Variants in PDE8B observed in about 807,000 individuals in gnomAD.
The protein encoded by PDE8B is high affinity cAMP-specific and IBMX-insensitive 3',5'-cyclic phosphodiesterase 8B.
In PDE8B, 26 loss-of-function variants were observed where a neutral mutation model predicts 101.3. The observed-to-expected ratio is 0.26, with a 90% CI of 0.19 to 0.36. The LOEUF (loss-of-function observed/expected upper bound fraction) is 0.36. PDE8B is among the 10% of genes least tolerant of loss of function. PDE8B has a pLI of 1.00. For synonymous variants in PDE8B, 424 were observed against 429.3 expected (o/e 0.99, Z 0.15); for missense variants, 810 against 1,163.1 (o/e 0.70, Z 4.42).
intron 1 of PDE8B, among the ~76,000 whole-genome samples, chr5:77,274,323 G>T (rs1053307210): frequency 3.3e-5 from 5 of 152,162 alleles, no homozygotes; most frequent in South Asian, 4.1e-4. Flanking sequence ...GGCCACACAG[G>T]TCATCTGCGG....
At chr5:77,411,193 A>T (rs1464737342) in intron 14 of PDE8B, 1 of 158,622 alleles carries the variant, frequency 6.3e-6, no homozygotes, top group Non-Finnish European at 1.4e-5. Flanking sequence ...TTGGGATATT[A>T]GTCAAAAAAT....
chr5:77,168,792 G>A, the PDE8B span, among the ~76,000 whole-genome samples: 1 of 152,154 alleles, frequency 6.6e-6, no homozygotes, highest in Non-Finnish European at 1.5e-5. Context: ...TCTAACATGG[G>A]TCCCTCCTCC....
At chr5:77,406,265 G>A (rs35515495) in intron 12 of PDE8B, among the ~76,000 whole-genome samples, 16,168 of 151,984 alleles carry the variant, frequency 0.11, 1,060 homozygotes, top group African/African-American at 0.18. Context: ...CAACAAGAGC[G>A]AAACTCCATC....
At chr5:77,349,941 G>A (rs776497156) in intron 8 of PDE8B, among the ~76,000 whole-genome samples, 55 of 152,212 alleles carry the variant, frequency 3.6e-4, no homozygotes, top group Admixed American at 7.2e-4. Context: ...GGTAGGCCAG[G>A]TTTTTTTCCC....
intron 1 of PDE8B, among the ~76,000 whole-genome samples, chr5:77,216,561 A>T (rs2149402630): frequency 6.6e-6 from 1 of 152,338 alleles, no homozygotes; most frequent in Non-Finnish European, 1.5e-5. Flanking sequence ...CATGGGAATT[A>T]TGGAAGCTAC....
rs538012421 is a variant in PDE8B, at chr5:77,247,144, C to T, written c.339+35880C>T. On this transcript the variant is annotated intron_variant, in intron 1 of 21. Coordinates refer to ENST00000264917, the MANE Select transcript of PDE8B (RefSeq NM_003719.5). ...AACAGGGCCCTACTGGCCCCTAAAC[C>T]TCAGCCACTCTGGATGGCACCCCAC... is the stretch of plus-strand genomic sequence containing the variant. 7.4e-4 allele frequency among the ~76,000 whole-genome samples: 112 copies of T among 152,342 alleles called. 1 individual carries two copies. The highest frequency in any genetic ancestry group is 3.4e-3 in the Middle Eastern group (1 of 294).
chr5:77,101,029 G>A, the PDE8B span, among the ~76,000 whole-genome samples: 1 of 144,988 alleles, frequency 6.9e-6, no homozygotes, highest in Non-Finnish European at 1.5e-5. Flanking sequence ...GAGTGCCATG[G>A]CATAATCATA....
At chr5:77,226,264 G>T (rs569648551) in intron 1 of PDE8B, among the ~76,000 whole-genome samples, 131 of 152,146 alleles carry the variant, frequency 8.6e-4, no homozygotes, top group Non-Finnish European at 1.7e-3. Flanking sequence ...TGCCTTATTG[G>T]TAATTACATT....
the PDE8B span, among the ~76,000 whole-genome samples, chr5:77,130,536 C>G: frequency 6.6e-6 from 1 of 152,130 alleles, no homozygotes. Flanking sequence ...ACCCTCATGA[C>G]AACCTTATGA....
At chr5:77,175,668 T>A in the PDE8B span, among the ~76,000 whole-genome samples, 1 of 152,232 alleles carries the variant, frequency 6.6e-6, no homozygotes, top group East Asian at 1.9e-4. Context: ...ATGACAAGTA[T>A]GGATTCATCT....
At chr5:77,281,939 T>A (rs1421377495) in intron 1 of PDE8B, among the ~76,000 whole-genome samples, 1 of 152,194 alleles carries the variant, frequency 6.6e-6, no homozygotes, top group African/African-American at 2.4e-5. Context: ...TCTGAGGTTT[T>A]CAGAGTCTGG....
At chr5:77,292,045 G>A (rs1767482899) in intron 1 of PDE8B, among the ~76,000 whole-genome samples, 1 of 149,872 alleles carries the variant, frequency 6.7e-6, no homozygotes, top group Non-Finnish European at 1.5e-5. Flanking sequence ...GGCAGCTTTA[G>A]TTCTCCAGCA....
chr5:77,408,782 T>G, intron 13 of PDE8B, 111 bp from the exon 14 acceptor site: 3 of 883,018 alleles, frequency 3.4e-6, no homozygotes, highest in Non-Finnish European at 1.9e-6. Context: ...ACTGGTCATT[T>G]TGAATAAGAG....
the PDE8B span, among the ~76,000 whole-genome samples, chr5:77,126,419 G>A: frequency 1.3e-5 from 2 of 152,192 alleles, no homozygotes; most frequent in African/African-American, 4.8e-5. Context: ...ATCTATCTGT[G>A]TTTCCTACAA....
the PDE8B span, among the ~76,000 whole-genome samples, chr5:77,089,579 A>G: frequency 6.6e-6 from 1 of 152,178 alleles, no homozygotes; most frequent in Non-Finnish European, 1.5e-5. Flanking sequence ...TTGCTGTTCA[A>G]AGGGATAATT....
the PDE8B span, among the ~76,000 whole-genome samples, chr5:77,191,775 C>T: frequency 1.3e-5 from 2 of 152,152 alleles, no homozygotes; most frequent in African/African-American, 4.8e-5. Flanking sequence ...AAGCACATTA[C>T]ATTTATTGTG....
chr5:77,337,300 C>T lies in PDE8B; in HGVS notation c.782C>T (p.Ser261Phe). The change falls in exon 6 of 22, where the codon TCC becomes TTC. Residue 261 changes from serine (S) to phenylalanine (F), a missense_variant. Transcript: ENST00000264917. The stretch of plus-strand genomic sequence containing the variant: ...CAAATAGAACATGGGGAAGTTCGCT[C>T]CCAGTTCAAATTACGGTATGTAGCA... ...LIQIEHGEVR[S>F]QFKLRACNSV... 1.9e-6 allele frequency: 3 copies of T among 1,570,604 alleles called. No individual in the cohort carries two copies. The highest frequency in any genetic ancestry group is 2.6e-6 in the Non-Finnish European group (3 of 1,142,674).
chr5:77,295,088 C>T (rs930762089), intron 1 of PDE8B, among the ~76,000 whole-genome samples: 1 of 151,798 alleles, frequency 6.6e-6, no homozygotes, highest in African/African-American at 2.4e-5. Context: ...AAGACCAAGT[C>T]GTTTATAAGG....
At chr5:77,146,151 C>T in the PDE8B span, 3 of 152,182 alleles carry the variant, frequency 2.0e-5, no homozygotes, top group African/African-American at 7.2e-5. Context: ...CTCAAGGAGC[C>T]TCATGCATAC....
Sources: allele counts gnomAD v4.1 joint callset (sites outside exome capture counted in the v4.1 genomes callset), GRCh38; gene constraint gnomAD v4.1.1; transcripts MANE v1.5; gene names NCBI Gene and HGNC (gene_info 2026-07-23, HGNC 2026-07-21).